The following PYROXD2 variants were observed in gnomAD, a reference collection of about 807,000 sequenced individuals.
PYROXD2 encodes the protein pyridine nucleotide-disulphide oxidoreductase domain 2.
In PYROXD2, 69 loss-of-function variants were observed where a neutral mutation model predicts 71.1. The observed-to-expected ratio is 0.97, with a 90% CI of 0.80 to 1.19. The LOEUF is 1.19. Ranked by LOEUF, PYROXD2 falls within the 50% of genes most tolerant of loss-of-function variation. The pLI, the probability that PYROXD2 is intolerant of heterozygous loss-of-function variation, is 0.00. For synonymous variants in PYROXD2, 287 were observed against 302.7 expected, an observed-to-expected ratio of 0.95 and a Z score of 0.54; for missense variants, 745 against 748.9, an observed-to-expected ratio of 0.99 and a Z score of 0.06.
rs556631785 is a variant in PYROXD2, at chr10:98,412,853, G to A, written c.128-1895C>T. Among the ~76,000 whole-genome samples the A allele has an allele frequency of 4.1e-4, 62 of 152,338 alleles. 1 individual carries two copies. Among genetic ancestry groups the A allele is most frequent in the Non-Finnish European group, 8.1e-4 (55 of 68,028 alleles). On this transcript the variant is annotated intron_variant, in intron 1 of 15. Coordinates refer to ENST00000370575, the MANE Select transcript of PYROXD2 (RefSeq NM_032709.3). ...ACCTTCCCCATTAGGAGACAGCAGG[G>A]TGAGCTGTGGCTGAGCACGGAAGGA...
chr10:98,401,274 A>AAAAAAAAAAAAAAAC (rs1346918539), intron 4 of PYROXD2, among the ~76,000 whole-genome samples: 1 of 65,380 alleles, frequency 1.5e-5, no homozygotes, highest in African/African-American at 9.0e-5. Context: ...AAACAAAAAA[A>AAAAAAAAAAAAAAAC]AACAAACATA....
At chr10:98,413,776 C>A (rs1464867732) in intron 1 of PYROXD2, among the ~76,000 whole-genome samples, 1 of 152,068 alleles carries the variant, frequency 6.6e-6, no homozygotes, top group Middle Eastern at 3.4e-3. Context: ...AAGGTTGGGA[C>A]ATAAATCTTT....
At chr10:98,385,179 T>A (rs915294950) in intron 14 of PYROXD2, 112 bp from the exon 15 acceptor site, 1 of 1,415,150 alleles carries the variant, frequency 7.1e-7, no homozygotes, top group Admixed American at 2.3e-5. Context: ...CCTTCCAGGA[T>A]ATTTTCTTGG....
intron 10 of PYROXD2, 87 bp from the exon 11 acceptor site, chr10:98,391,169 G>C: frequency 1.1e-6 from 1 of 884,116 alleles, no homozygotes; most frequent in Non-Finnish European, 1.9e-6. Flanking sequence ...AGATCCCTCA[G>C]TCGCTCCCTC....
At chr10:98,414,827 G>GTGCC in intron 1 of PYROXD2, 182 bp downstream of exon 1, 1 of 866,130 alleles carries the variant, frequency 1.2e-6, no homozygotes, top group Non-Finnish European at 1.7e-6. Flanking sequence ...GGAATCCCAG[G>GTGCC]TGCCTGCCTG....
rs367654216 is a variant in PYROXD2, at chr10:98,388,369, C to T, written c.1432G>A (p.Ala478Thr). ...GKAWDEQERD[A>T]YADRVFDCIE... ...CTGTCTTTACCTCTGTCTGCATAAG[C>T]GTCTCTCTCCTGCTCGTCCCAGGCC... The change falls in exon 13 of 16, where the codon GCT becomes ACT. Residue 478 changes from alanine (A) to threonine (T), a missense_variant. Transcript: ENST00000370575. 26 of 1,613,636 alleles carry T rather than the reference C, an allele frequency of 1.6e-5. No homozygotes were observed. Among genetic ancestry groups the T allele is most frequent in the African/African-American group, 5.3e-5 (4 of 74,772 alleles).
In PYROXD2 at chr10:98,393,053, G is replaced by T. The variant is rs374387844; in HGVS notation, c.816C>A (p.Gly272=). The T allele has an allele frequency of 1.2e-5, 19 of 1,591,372 alleles. No individual in the cohort carries two copies. The African/African-American group carries it at 2.6e-4, about 22-fold the overall frequency. ...GYVLLHHVMG[G]LEGMQGAWGY... is the part of the protein sequence containing the mutation. ...CCCAGGCCCCCTGCATTCCCTCCAG[G>T]CCCCCCATCACATGGTGCAGCAGCA... Residue 272 remains glycine (G), a synonymous_variant, in exon 9 of 16, where the codon GGC becomes GGA. Coordinates refer to ENST00000370575, the MANE Select transcript of PYROXD2 (RefSeq NM_032709.3).
chr10:98,400,323 C>G, intron 4 of PYROXD2, 66 bp from the exon 5 acceptor site: 1 of 1,485,834 alleles, frequency 6.7e-7, no homozygotes, highest in Non-Finnish European at 9.1e-7. Flanking sequence ...TCATCTTTCT[C>G]CGATTGTGTT....
intron 10 of PYROXD2, among the ~76,000 whole-genome samples, chr10:98,391,815 G>A (rs1434326841): frequency 6.6e-6 from 1 of 152,140 alleles, no homozygotes; most frequent in Admixed American, 6.5e-5. Flanking sequence ...GACACATGGA[G>A]CATAGCCGAG....
Position 98,410,888 on chromosome 10 carries a change from G to C in PYROXD2, c.147+51C>G, listed in dbSNP as rs376076203. 1.6e-4 allele frequency: 242 copies of C among 1,555,566 alleles called. 1 individual carries two copies. The African/African-American group carries it at 2.7e-3, about 17-fold the overall frequency. On this transcript the variant is annotated intron_variant, in intron 2 of 15. Transcript: ENST00000370575. ...TTCACACTCCTTCCCAGGCTGCTGAGAGCCACACGCCCAGGGCCAGTGAAG... is the reference window on the plus strand; with the variant it reads ...TTCACACTCCTTCCCAGGCTGCTGACAGCCACACGCCCAGGGCCAGTGAAG...
chr10:98,408,421 C>G (rs539296590), intron 2 of PYROXD2, among the ~76,000 whole-genome samples: 42 of 152,198 alleles, frequency 2.8e-4, no homozygotes, highest in Non-Finnish European at 2.4e-4. Flanking sequence ...AGGTTCAGTC[C>G]CTCGTTCTCT....
chr10:98,390,853 T>C (rs1842924647), intron 11 of PYROXD2, 99 bp from the exon 12 acceptor site: 1 of 1,462,740 alleles, frequency 6.8e-7, no homozygotes, highest in Non-Finnish European at 9.4e-7. Flanking sequence ...AGTAGGAAAG[T>C]ATGAGCAAGT....
chr10:98,395,144 C>T lies in PYROXD2; in HGVS notation c.785+52G>A, dbSNP rs746589530. The T allele has an allele frequency of 2.7e-6, 4 of 1,487,728 alleles. No homozygotes were observed. The African/African-American group carries it at 4.1e-5, about 15-fold the overall frequency. The allele number at this position is 1,487,728 out of a possible 1,614,324, so 92.2% of individuals were successfully genotyped here. On this transcript the variant is annotated intron_variant, in intron 8 of 15. Coordinates refer to ENST00000370575, the MANE Select transcript of PYROXD2 (RefSeq NM_032709.3). Reference sequence around the variant, plus strand: ...GCCACTGCCACTGTTGTCCTCACTCCTGTTGGGGAACATGCCCCACTCCTG... The same window carrying T: ...GCCACTGCCACTGTTGTCCTCACTCTTGTTGGGGAACATGCCCCACTCCTG...
At position 98,383,680 on chromosome 10, in the gene PYROXD2, T is replaced by C. The variant is rs1400504956; in HGVS notation, c.*118A>G. ...GTACGTTTTTTCTAAAATAATTTCT[T>C]GAGCATTGTGGTGGCCTTATGTACT... On this transcript the variant is annotated 3_prime_UTR_variant, in exon 16 of 16. Coordinates refer to ENST00000370575, the MANE Select transcript of PYROXD2 (RefSeq NM_032709.3). The C allele has an allele frequency of 7.4e-6, 6 of 806,290 alleles. No individual in the cohort carries two copies. The highest frequency in any genetic ancestry group is 6.9e-5 in the African/African-American group (4 of 58,260). The allele number at this position is 806,290 out of a possible 1,614,324, so 49.9% of individuals were successfully genotyped here.
intron 10 of PYROXD2, 149 bp from the exon 11 acceptor site, chr10:98,391,231 A>C: frequency 1.6e-6 from 1 of 640,966 alleles, no homozygotes; most frequent in Non-Finnish European, 2.8e-6. Flanking sequence ...TCCCCTGTGA[A>C]GCCTTCCTAG....
intron 5 of PYROXD2, among the ~76,000 whole-genome samples, chr10:98,398,280 T>C (rs1843269438): frequency 6.6e-6 from 1 of 152,164 alleles, no homozygotes; most frequent in Non-Finnish European, 1.5e-5. Flanking sequence ...TCTCATCACC[T>C]GCAGTCACAG....
intron 4 of PYROXD2, among the ~76,000 whole-genome samples, chr10:98,406,192 A>G (rs1218019757): frequency 6.6e-6 from 1 of 152,216 alleles, no homozygotes; most frequent in Non-Finnish European, 1.5e-5. Flanking sequence ...TAAAGCATCT[A>G]CTCAGTTCAC....
At chr10:98,388,615 T>C in intron 12 of PYROXD2, 107 bp from the exon 13 acceptor site, 1 of 1,207,574 alleles carries the variant, frequency 8.3e-7, no homozygotes, top group Non-Finnish European at 1.1e-6. Context: ...ACACCAATTC[T>C]GGGCGATTGT....
At chr10:98,408,513 C>T (rs1037909238) in intron 2 of PYROXD2, among the ~76,000 whole-genome samples, 2 of 152,164 alleles carry the variant, frequency 1.3e-5, no homozygotes, top group Non-Finnish European at 2.9e-5. Flanking sequence ...AAAGTAGTCC[C>T]GGCTTTACCC....
Sources: allele counts gnomAD v4.1 joint callset (sites outside exome capture counted in the v4.1 genomes callset), GRCh38; gene constraint gnomAD v4.1.1; transcripts MANE v1.5; gene names NCBI Gene and HGNC (gene_info 2026-07-23, HGNC 2026-07-21).